The following IAH1 variants were observed in gnomAD, a reference collection of about 807,000 sequenced individuals.
IAH1 encodes the protein isoamyl acetate hydrolyzing esterase 1 (putative).
IAH1 carries 24 observed loss-of-function variants against 26.7 expected under a neutral mutation model. The observed-to-expected ratio is 0.90, with a 90% CI of 0.65 to 1.26. The LOEUF (loss-of-function observed/expected upper bound fraction) is 1.26, where lower values mean the gene tolerates loss of function less well. IAH1 is among the 50% of genes most tolerant of loss of function. IAH1 has a pLI of 0.00. For synonymous variants in IAH1, 140 were observed against 118.5 expected (o/e 1.18, Z -1.18); for missense variants, 300 against 299.9 (o/e 1.00, Z 0.00).
In IAH1 at chr2:9,474,557, CGGCTGCT is replaced by C; in HGVS notation, c.-9_-3del. 2 of 1,481,376 alleles carry C rather than the reference CGGCTGCT, an allele frequency of 1.4e-6. No homozygotes were observed. Among genetic ancestry groups the C allele is most frequent in the Non-Finnish European group, 1.8e-6 (2 of 1,120,742 alleles). The allele number at this position is 1,481,376 out of a possible 1,614,324, so 91.8% of individuals were successfully genotyped here. ...GCTGGCGGCCCCGCCCCGCCCCGCCCGGCTGCTCCATGGCGCTGTGCGAGGCCGCGGG... is the reference window on the plus strand; with the variant it reads ...GCTGGCGGCCCCGCCCCGCCCCGCCCCCATGGCGCTGTGCGAGGCCGCGGG... On this transcript the variant is annotated 5_prime_UTR_variant, in exon 1 of 6. Coordinates refer to ENST00000497473, the MANE Select transcript of IAH1 (RefSeq NM_001039613.3). The surrounding 1 kb of genome is among the most constrained non-coding windows in gnomAD (Gnocchi z 4.3).
chr2:9,504,029 TA>T, the IAH1 span, among the ~76,000 whole-genome samples: 515 of 151,962 alleles, frequency 3.4e-3, 1 homozygote, highest in Middle Eastern at 0.01. Flanking sequence ...CACACACCTG[TA>T]GTCCTGTCTA....
chr2:9,507,756 G>A, the IAH1 span, among the ~76,000 whole-genome samples: 1 of 151,888 alleles, frequency 6.6e-6, no homozygotes, highest in Non-Finnish European at 1.5e-5. Flanking sequence ...GTCTCACTCT[G>A]TCATCCAGGC....
At chr2:9,492,519 T>C (rs1401318552), downstream of IAH1, among the ~76,000 whole-genome samples, 2 of 152,174 alleles carry the variant, frequency 1.3e-5, no homozygotes, top group African/African-American at 2.4e-5. Flanking sequence ...ACATGATATA[T>C]GGGGAACATC....
chr2:9,506,018 A>C, the IAH1 span, among the ~76,000 whole-genome samples: 1 of 152,222 alleles, frequency 6.6e-6, no homozygotes, highest in Non-Finnish European at 1.5e-5. Context: ...CAGAACCACT[A>C]GGATAACTCC....
downstream of IAH1, among the ~76,000 whole-genome samples, chr2:9,493,155 C>A (rs1185492875): frequency 6.6e-6 from 1 of 152,050 alleles, no homozygotes; most frequent in Non-Finnish European, 1.5e-5. Flanking sequence ...TCTCTCCATA[C>A]CAAGTGCTTT....
chr2:9,509,598 C>T, the IAH1 span, among the ~76,000 whole-genome samples: 2 of 152,132 alleles, frequency 1.3e-5, no homozygotes, highest in South Asian at 2.1e-4. Flanking sequence ...TTAATAAAAA[C>T]GTGTAAACTG....
upstream of IAH1, chr2:9,474,014 A>C (rs1479297789): frequency 6.6e-6 from 1 of 152,248 alleles, no homozygotes; most frequent in Admixed American, 6.5e-5. The surrounding 1 kb of genome is among the most constrained non-coding windows in gnomAD (Gnocchi z 4.3). Flanking sequence ...GGGAAAAAGA[A>C]AAGCGGCCGG....
rs1471912952 is a variant in IAH1 at position 9,487,827 on chromosome 2, TGTGTGTGCGCGCGC to T, written c.565-318_565-305del. 2.1e-3 allele frequency among the ~76,000 whole-genome samples: 209 copies of T among 97,224 alleles called. 1 individual carries two copies. The highest frequency in any genetic ancestry group is 6.5e-3 in the African/African-American group (167 of 25,538). 63.8% of individuals were successfully genotyped at this position (97,224 alleles called of 152,430 possible). ...GTGTGTGTGTGTGTGTGTGTGTGTGTGTGTGTGCGCGCGCGCGCGCGCGCTGTGGGGGGAGACAG... is the reference window on the plus strand; with the variant it reads ...GTGTGTGTGTGTGTGTGTGTGTGTGTGCGCGCGCGCTGTGGGGGGAGACAG... On this transcript the variant is annotated intron_variant, in intron 5 of 5. Transcript: ENST00000497473.
chr2:9,492,565 C>T (rs924494340), downstream of IAH1, among the ~76,000 whole-genome samples: 3 of 152,174 alleles, frequency 2.0e-5, no homozygotes, highest in African/African-American at 7.2e-5. Flanking sequence ...TCTATTGCAA[C>T]GAAGTCAGCC....
chr2:9,491,084 T>A, downstream of IAH1: 1 of 1,608,952 alleles, frequency 6.2e-7, no homozygotes, highest in Non-Finnish European at 8.5e-7. Flanking sequence ...TATGTTTCTT[T>A]CATATGGTAT....
chr2:9,499,307 A>G (rs1662853567), downstream of IAH1, among the ~76,000 whole-genome samples: 1 of 152,102 alleles, frequency 6.6e-6, no homozygotes, highest in Non-Finnish European at 1.5e-5. Flanking sequence ...ATTTTTCTCA[A>G]TCTATTTTAT....
At chr2:9,484,314 C>A in intron 4 of IAH1, 118 bp from the exon 5 acceptor site, 1 of 811,946 alleles carries the variant, frequency 1.2e-6, no homozygotes, top group Non-Finnish European at 2.1e-6. Context: ...CGGGGCTGGC[C>A]CAAGTGGGGT....
intron 5 of IAH1, chr2:9,486,067 C>T (rs1382806859): frequency 6.6e-6 from 1 of 152,224 alleles, no homozygotes; most frequent in Non-Finnish European, 1.5e-5. Flanking sequence ...CAAGTGCCAA[C>T]TTTTTCCTCT....
the IAH1 span, among the ~76,000 whole-genome samples, chr2:9,504,025 C>A: frequency 6.6e-6 from 1 of 151,570 alleles, no homozygotes; most frequent in Admixed American, 6.6e-5. Flanking sequence ...GTGGCACACA[C>A]CTGTAGTCCT....
At chr2:9,493,866 C>A (rs1662352664), downstream of IAH1, 1 of 1,523,290 alleles carries the variant, frequency 6.6e-7, no homozygotes, top group Non-Finnish European at 9.1e-7. Context: ...TTCCCAAACA[C>A]AATGTATTCA....
At chr2:9,475,192 TG>T (rs1558472842) in intron 1 of IAH1, 18 of 1,289,406 alleles carry the variant, frequency 1.4e-5, no homozygotes, top group Non-Finnish European at 1.6e-5. Flanking sequence ...TCACCTCCCA[TG>T]AAGGGAACGG....
chr2:9,479,882 C>T (rs566066173), intron 3 of IAH1, among the ~76,000 whole-genome samples: 1 of 142,838 alleles, frequency 7.0e-6, no homozygotes, highest in East Asian at 2.4e-4. Flanking sequence ...GGTCTCGGCT[C>T]ACTGTAACCT....
At chr2:9,491,166 CAAG>C (rs1486771352), downstream of IAH1, 14 of 1,609,464 alleles carry the variant, frequency 8.7e-6, no homozygotes, top group South Asian at 2.2e-5. Context: ...AAAGAAACAG[CAAG>C]AAGGTCATTC....
intron 2 of IAH1, 63 bp downstream of exon 2, chr2:9,476,102 T>G: frequency 7.3e-7 from 1 of 1,372,706 alleles, no homozygotes; most frequent in East Asian, 2.3e-5. Flanking sequence ...ATCCGTCTTA[T>G]GGATGAAGGA....
Sources: gnomAD v4.1 joint callset for allele counts (sites outside exome capture counted in the v4.1 genomes callset) on GRCh38, gnomAD v4.1.1 for gene constraint, Gnocchi (gnomAD v3.1) non-coding constraint, MANE v1.5 for transcripts, NCBI Gene and HGNC (gene_info 2026-07-23, HGNC 2026-07-21) for gene names.